Variants in FTO observed in about 807,000 individuals in gnomAD.
FTO encodes the protein FTO alpha-ketoglutarate dependent dioxygenase.
A neutral mutation model predicts 63.9 loss-of-function variants in FTO; 47 were observed. The observed-to-expected ratio is 0.74, with a 90% confidence interval of 0.58 to 0.94. The LOEUF (loss-of-function observed/expected upper bound fraction) is 0.94, where lower values mean the gene tolerates loss of function less well. FTO is among the 40% of genes least tolerant of loss of function. FTO has a pLI of 0.00. For missense variants in FTO, 562 were observed against 618.1 expected (o/e 0.91, Z 0.96); for synonymous variants, 207 against 224.4 (o/e 0.92, Z 0.69).
chr16:53,976,054 T>C (rs1372949878), intron 8 of FTO, among the ~76,000 whole-genome samples: 1 of 152,204 alleles, frequency 6.6e-6, no homozygotes, highest in Admixed American at 6.5e-5. Context: ...CACCCCAGTG[T>C]AGTGCTTTTC....
chr16:53,922,750 G>C (rs2082036845), intron 7 of FTO, among the ~76,000 whole-genome samples: 1 of 152,194 alleles, frequency 6.6e-6, no homozygotes, highest in Non-Finnish European at 1.5e-5. Context: ...GCCTGGAGTG[G>C]AATGTCACCC....
intron 8 of FTO, chr16:54,070,129 C>A (rs540114361): frequency 6.6e-6 from 1 of 151,928 alleles, no homozygotes; most frequent in Non-Finnish European, 1.5e-5. Context: ...TTACTGGCAT[C>A]GGGCATCTGT....
In FTO at chr16:53,976,597, A is replaced by T. The variant is rs576984501; in HGVS notation, c.1364+42488A>T. 6.3e-4 allele frequency among the ~76,000 whole-genome samples: 96 copies of T among 152,228 alleles called. No homozygotes were observed. In the Middle Eastern group the frequency reaches 0.01, roughly 16 times the overall value. ...ATGAATCTTAGATTCCGATAGTCAG[A>T]TTCCATAAAAAATTTTAAATCCTGT... On this transcript the variant is annotated intron_variant, in intron 8 of 8. Transcript: ENST00000471389.
chr16:54,057,826 A>G lies in FTO; in HGVS notation c.1365-53936A>G, dbSNP rs546639413. Among the ~76,000 whole-genome samples, 6 of 152,300 alleles carry G rather than the reference A, an allele frequency of 3.9e-5. No individual in the cohort carries two copies. The South Asian group carries it at 8.3e-4, about 21-fold the overall frequency. On this transcript the variant is annotated intron_variant, in intron 8 of 8. Transcript: ENST00000471389. ...TAGATGTGAGTCATACCCTGGGCCC[A>G]GCTGCGTCCACCAACAGAATACTTC...
chr16:53,914,559 T>C (rs1169499232), intron 7 of FTO, among the ~76,000 whole-genome samples: 1 of 151,518 alleles, frequency 6.6e-6, no homozygotes, highest in Non-Finnish European at 1.5e-5. Context: ...GGTGGTCAGA[T>C]AGCAAGAGGA....
At chr16:53,931,487 C>T (rs1599022404) in intron 7 of FTO, among the ~76,000 whole-genome samples, 1 of 151,768 alleles carries the variant, frequency 6.6e-6, no homozygotes, top group East Asian at 1.9e-4. Flanking sequence ...TCTATATTTT[C>T]AGTAGAGACG....
At chr16:54,082,527 C>T (rs1164197853) in intron 8 of FTO, among the ~76,000 whole-genome samples, 2 of 152,146 alleles carry the variant, frequency 1.3e-5, no homozygotes, top group African/African-American at 2.4e-5. Context: ...TTATGGGCCA[C>T]GCATGCTCCA....
chr16:53,929,774 A>G (rs550140961), intron 7 of FTO, among the ~76,000 whole-genome samples: 22 of 152,244 alleles, frequency 1.4e-4, no homozygotes, highest in Non-Finnish European at 4.4e-5. Flanking sequence ...CAAAGGGAGG[A>G]CTTCTAGGTC....
At chr16:53,917,467 T>G (rs918132336) in intron 7 of FTO, among the ~76,000 whole-genome samples, 81 of 152,284 alleles carry the variant, frequency 5.3e-4, no homozygotes, top group African/African-American at 1.8e-3. Context: ...TATAAGGATT[T>G]AAATTGGGGT....
intron 1 of FTO, among the ~76,000 whole-genome samples, chr16:53,791,918 C>CA (rs971325363): frequency 2.6e-5 from 4 of 151,486 alleles, no homozygotes; most frequent in South Asian, 4.2e-4. Context: ...ACTAAAAATA[C>CA]AAAAAAAATT....
intron 1 of FTO, among the ~76,000 whole-genome samples, chr16:53,745,418 C>T (rs939372035): frequency 2.0e-5 from 3 of 152,124 alleles, no homozygotes; most frequent in African/African-American, 7.2e-5. Flanking sequence ...TTTTTAGCCC[C>T]AGAACGTTGC....
intron 1 of FTO, among the ~76,000 whole-genome samples, chr16:53,733,880 A>AT (rs144561020): frequency 0.014 from 2,157 of 152,318 alleles, 27 homozygotes; most frequent in Middle Eastern, 0.075. Flanking sequence ...AGAGGTTTAA[A>AT]TTAATGGAAA....
intron 8 of FTO, among the ~76,000 whole-genome samples, chr16:54,078,740 T>C (rs879935014): frequency 2.6e-5 from 4 of 152,198 alleles, no homozygotes; most frequent in Non-Finnish European, 5.9e-5. Context: ...ATGTGAGCAC[T>C]TGAAGTTTTT....
chr16:53,886,274 G>A (rs1279653409), intron 6 of FTO, among the ~76,000 whole-genome samples: 1 of 152,136 alleles, frequency 6.6e-6, no homozygotes, highest in Non-Finnish European at 1.5e-5. Flanking sequence ...TATTTCCAGA[G>A]TCACCATGGT....
intron 7 of FTO, among the ~76,000 whole-genome samples, chr16:53,900,717 G>T (rs1391608567): frequency 2.0e-5 from 3 of 146,494 alleles, no homozygotes; most frequent in Non-Finnish European, 3.0e-5. Flanking sequence ...GTAATTCAGA[G>T]GAAGAAAAAG....
chr16:54,013,650 C>T (rs1439107347), intron 8 of FTO: 1 of 152,194 alleles, frequency 6.6e-6, no homozygotes, highest in Non-Finnish European at 1.5e-5. Flanking sequence ...AACCACCACC[C>T]CAATCCATCA....
intron 4 of FTO, among the ~76,000 whole-genome samples, chr16:53,871,498 CTT>C (rs1567381809): frequency 6.6e-6 from 1 of 151,964 alleles, no homozygotes; most frequent in Admixed American, 6.6e-5. Flanking sequence ...AGAAGCTTCA[CTT>C]ATATATATAT....
intron 4 of FTO, among the ~76,000 whole-genome samples, chr16:53,846,993 A>G (rs1024220351): frequency 1.3e-5 from 2 of 152,176 alleles, no homozygotes; most frequent in Non-Finnish European, 2.9e-5. Flanking sequence ...CTGATTTAAT[A>G]TATTTCTTTT....
chr16:53,943,115 C>G (rs183233816), intron 8 of FTO, among the ~76,000 whole-genome samples: 19 of 152,228 alleles, frequency 1.2e-4, no homozygotes, highest in Middle Eastern at 6.8e-3. Context: ...TGTTTCTGAT[C>G]CAGATTACTC....
Sources: allele counts gnomAD v4.1 joint callset (sites outside exome capture counted in the v4.1 genomes callset), GRCh38; gene constraint gnomAD v4.1.1; transcripts MANE v1.5; gene names NCBI Gene and HGNC (gene_info 2026-07-23, HGNC 2026-07-21).